The following FCER1A variants were observed in gnomAD, a reference collection of about 807,000 sequenced individuals.
FCER1A encodes high affinity immunoglobulin epsilon receptor subunit alpha.
A neutral mutation model predicts 23.6 loss-of-function variants in FCER1A; 24 were observed. The observed-to-expected ratio is 1.02, with a 90% confidence interval of 0.74 to 1.43. The LOEUF (loss-of-function observed/expected upper bound fraction) is 1.43. Ranked by LOEUF, FCER1A falls within the 40% of genes most tolerant of loss-of-function variation. The probability of loss-of-function intolerance (pLI) is 0.00; values close to 1 mark genes in which losing one functional copy is unlikely to be tolerated. For synonymous variants in FCER1A, 121 were observed against 108.8 expected, an observed-to-expected ratio of 1.11 and a Z score of -0.70; for missense variants, 318 against 294.5, an observed-to-expected ratio of 1.08 and a Z score of -0.58.
chr1:159,290,616 C>T (rs1434744541), intron 1 of FCER1A, among the ~76,000 whole-genome samples: 1 of 152,146 alleles, frequency 6.6e-6, no homozygotes, highest in African/African-American at 2.4e-5. Context: ...CAAATCCTGG[C>T]TTTGCCATTC....
At chr1:159,300,290 A>C (rs1163276486), upstream of FCER1A, among the ~76,000 whole-genome samples, 6 of 152,060 alleles carry the variant, frequency 3.9e-5, no homozygotes, top group Non-Finnish European at 8.8e-5. Context: ...CTTTAAATAG[A>C]CTATTTGAGT....
upstream of FCER1A, among the ~76,000 whole-genome samples, chr1:159,289,062 C>A (rs1652084334): frequency 6.6e-6 from 1 of 152,208 alleles, no homozygotes. Flanking sequence ...CCCCAAGTCA[C>A]TTCTAACAAA....
At position 159,304,054 on chromosome 1, in the gene FCER1A, G is replaced by T; in HGVS notation, c.203G>T (p.Gly68Val). ...EVSSTKWFHNGSLSEETNSSL... is the reference protein window; with the variant it reads ...EVSSTKWFHNVSLSEETNSSL... ...AGTTCCACCAAATGGTTCCACAATGGCAGCCTTTCAGAAGAGACAAATTCA... is the reference window on the plus strand; with the variant it reads ...AGTTCCACCAAATGGTTCCACAATGTCAGCCTTTCAGAAGAGACAAATTCA... The change falls in exon 3 of 5, where the codon GGC (glycine) becomes GTC (valine). Residue 68 changes from glycine (G) to valine (V), a missense_variant. Transcript: ENST00000693622. The T allele has an allele frequency of 1.9e-6, 3 of 1,614,108 alleles. No individual in the cohort carries two copies. The highest frequency in any genetic ancestry group is 2.7e-5 in the African/African-American group (2 of 75,024).
chr1:159,295,313 A>G (rs1652270219), intron 1 of FCER1A, among the ~76,000 whole-genome samples: 1 of 152,136 alleles, frequency 6.6e-6, no homozygotes, highest in Non-Finnish European at 1.5e-5. Flanking sequence ...ACCCTCATTC[A>G]TAGGTGCAGC....
upstream of FCER1A, among the ~76,000 whole-genome samples, chr1:159,300,964 A>G (rs1287059052): frequency 6.6e-6 from 1 of 152,214 alleles, no homozygotes; most frequent in Non-Finnish European, 1.5e-5. Context: ...TCATTAAAAC[A>G]TAGCATGTCC....
At chr1:159,298,816 T>C (rs763429730), upstream of FCER1A, among the ~76,000 whole-genome samples, 13 of 152,340 alleles carry the variant, frequency 8.5e-5, no homozygotes, top group African/African-American at 1.9e-4. Context: ...AGGGAACTTA[T>C]AGAACAGAAA....
intron 2 of FCER1A, among the ~76,000 whole-genome samples, chr1:159,303,667 T>C (rs1357469257): frequency 6.6e-6 from 1 of 152,222 alleles, no homozygotes; most frequent in African/African-American, 2.4e-5. Flanking sequence ...TCAGCTCAAA[T>C]CACATAGTGA....
chr1:159,298,995 C>T (rs562559922), upstream of FCER1A, among the ~76,000 whole-genome samples: 1 of 152,328 alleles, frequency 6.6e-6, no homozygotes, highest in African/African-American at 2.4e-5. Context: ...TCTATCTGGT[C>T]ATGAGCATGT....
chr1:159,303,902 CT>C, intron 2 of FCER1A, 25 bp from the exon 3 acceptor site: 1 of 1,590,286 alleles, frequency 6.3e-7, no homozygotes, highest in Non-Finnish European at 8.6e-7. Flanking sequence ...CTCTACATGT[CT>C]TTTCATATTT....
chr1:159,286,504 T>C (rs1232371784), upstream of FCER1A, among the ~76,000 whole-genome samples: 1 of 152,020 alleles, frequency 6.6e-6, no homozygotes, highest in East Asian at 2.0e-4. Context: ...GGCTAATTTT[T>C]TGTATTTTTA....
chr1:159,294,004 C>A (rs1211493725), intron 1 of FCER1A, among the ~76,000 whole-genome samples: 1 of 151,946 alleles, frequency 6.6e-6, no homozygotes, highest in Non-Finnish European at 1.5e-5. Context: ...AAATGCAAAT[C>A]AAAACCACAA....
chr1:159,305,932 T>A, intron 3 of FCER1A, 56 bp from the exon 4 acceptor site: 1 of 1,494,910 alleles, frequency 6.7e-7, no homozygotes, highest in Non-Finnish European at 9.2e-7. Flanking sequence ...TTTTCTCTAT[T>A]CATTCTCTCT....
At chr1:159,288,745 C>T (rs1318652128), upstream of FCER1A, among the ~76,000 whole-genome samples, 2 of 152,142 alleles carry the variant, frequency 1.3e-5, no homozygotes, top group African/African-American at 4.8e-5. Context: ...TTGACTTTCT[C>T]CCCATGATGG....
chr1:159,302,950 C>G, intron 2 of FCER1A, 76 bp downstream of exon 2: 5 of 1,348,844 alleles, frequency 3.7e-6, no homozygotes, highest in Non-Finnish European at 5.3e-6. Flanking sequence ...TTTCTTCGTC[C>G]CATCACTTCT....
intron 2 of FCER1A, 126 bp from the exon 3 acceptor site, chr1:159,303,802 A>T: frequency 1.4e-6 from 1 of 724,554 alleles, no homozygotes; most frequent in Non-Finnish European, 2.2e-6. Flanking sequence ...TCTTATCACC[A>T]ACAGAATAAG....
upstream of FCER1A, among the ~76,000 whole-genome samples, chr1:159,287,535 G>A (rs1652048780): frequency 6.6e-6 from 1 of 151,992 alleles, no homozygotes; most frequent in African/African-American, 2.4e-5. Context: ...GACAAGATTG[G>A]TGGTTTCCAC....
At chr1:159,290,872 C>CCTT (rs60846069) in intron 1 of FCER1A, among the ~76,000 whole-genome samples, 119,196 of 151,788 alleles carry the variant, frequency 0.79, 47,580 homozygotes, top group African/African-American at 0.93. Context: ...GGATGAACTC[C>CCTT]CTTCTGCATT....
At chr1:159,294,103 A>C (rs1288215532) in intron 1 of FCER1A, among the ~76,000 whole-genome samples, 1 of 152,162 alleles carries the variant, frequency 6.6e-6, no homozygotes, top group African/African-American at 2.4e-5. Flanking sequence ...AAATAGGAAC[A>C]CTTTTACACT....
chr1:159,285,079 T>C (rs1347051368), upstream of FCER1A, among the ~76,000 whole-genome samples: 1 of 152,162 alleles, frequency 6.6e-6, no homozygotes, highest in Admixed American at 6.6e-5. Flanking sequence ...TTGTTGTGTG[T>C]GTACGTGTGT....
Sources: gnomAD v4.1 joint callset for allele counts (sites outside exome capture counted in the v4.1 genomes callset) on GRCh38, gnomAD v4.1.1 for gene constraint, MANE v1.5 for transcripts, NCBI Gene and HGNC (gene_info 2026-07-23, HGNC 2026-07-21) for gene names.